The following TRIP6 variants were observed in gnomAD, a reference collection of about 807,000 sequenced individuals.
TRIP6 encodes thyroid hormone receptor interactor 6, also known as thyroid receptor-interacting protein 6.
TRIP6 carries 33 observed loss-of-function variants against 51.9 expected under a neutral mutation model. That is an observed-to-expected ratio of 0.64 (90% CI 0.48 to 0.85). The LOEUF (loss-of-function observed/expected upper bound fraction) is 0.85, where lower values mean the gene tolerates loss of function less well. TRIP6 is among the 40% of genes least tolerant of loss of function. The pLI is 0.00. For missense variants in TRIP6, 661 were observed against 652.1 expected (o/e 1.01, Z -0.15); for synonymous variants, 255 against 275.8 (o/e 0.92, Z 0.75).
At chr7:100,870,337 A>G in intron 4 of TRIP6, 33 bp from the exon 5 acceptor site, 4 of 1,483,872 alleles carry the variant, frequency 2.7e-6, no homozygotes, top group Non-Finnish European at 2.7e-6. Context: ...ATCAGGAGCT[A>G]GAGTAGGACC....
chr7:100,868,497 A>C lies in TRIP6; in HGVS notation c.366A>C (p.Ala122=). 1 of 1,613,074 alleles carries C rather than the reference A, an allele frequency of 6.2e-7. No homozygotes were observed. Among genetic ancestry groups the C allele is most frequent in the Non-Finnish European group, 8.5e-7 (1 of 1,180,018 alleles). ...GHASRRPDRQ[A]YEPPPPPAYR... ...TTCTGGCCTGCGTTTCTCCTCAGGCATATGAGCCCCCGCCACCTCCTGCCT... is the reference window on the plus strand; with the variant it reads ...TTCTGGCCTGCGTTTCTCCTCAGGCCTATGAGCCCCCGCCACCTCCTGCCT... The change falls in exon 4 of 9, where the codon GCA becomes GCC. Residue 122 remains alanine, a splice_region_variant and synonymous_variant. Transcript: ENST00000200457.
chr7:100,868,055 C>A, intron 2 of TRIP6, 53 bp from the exon 3 acceptor site: 1 of 1,572,882 alleles, frequency 6.4e-7, no homozygotes, highest in Non-Finnish European at 8.6e-7. Context: ...GGACCCAGGA[C>A]AGGAGAAGGC....
intron 6 of TRIP6, 143 bp from the exon 7 acceptor site, chr7:100,871,400 C>T: frequency 2.6e-6 from 2 of 778,358 alleles, no homozygotes; most frequent in Non-Finnish European, 4.2e-6. Flanking sequence ...CTCAGATCTG[C>T]TCAAGTCTGC....
At chr7:100,871,406 T>G in intron 6 of TRIP6, 137 bp from the exon 7 acceptor site, 1 of 813,784 alleles carries the variant, frequency 1.2e-6, no homozygotes. Context: ...TCTGCTCAAG[T>G]CTGCCTTTCA....
At chr7:100,868,026 CCCCAGAACCGAGTCTGAGGGA>C in intron 2 of TRIP6, 38 bp downstream of exon 2, 1 of 1,534,302 alleles carries the variant, frequency 6.5e-7, no homozygotes, top group Non-Finnish European at 8.8e-7. Context: ...ATGTGGGATC[CCCCAGAACCGAGTCTGAGGGA>C]CCCAGGACAG....
intron 6 of TRIP6, 122 bp from the exon 7 acceptor site, chr7:100,871,421 A>G (rs1419553642): frequency 3.1e-6 from 3 of 963,934 alleles, no homozygotes; most frequent in South Asian, 1.5e-5. Context: ...CTTTCACCGA[A>G]TCACATGCAG....
intron 4 of TRIP6, among the ~76,000 whole-genome samples, chr7:100,870,049 GT>G (rs554852044): frequency 6.6e-6 from 1 of 152,272 alleles, no homozygotes; most frequent in South Asian, 2.1e-4. Flanking sequence ...CCATCTGGGG[GT>G]GATGGGAGAC....
chr7:100,870,910 C>CTTAA, intron 6 of TRIP6, 167 bp downstream of exon 6: 1 of 932,532 alleles, frequency 1.1e-6, no homozygotes, highest in Non-Finnish European at 1.6e-6. Flanking sequence ...AAGCAAGTAG[C>CTTAA]TTAACACTGG....
Position 100,868,532 on chromosome 7 carries a change from GCTC to G in TRIP6, c.403_405del (p.Ser135del), listed in dbSNP as rs1345668127. ...CCGCCACCTCCTGCCTACCGCACGG[GCTC>G]CCTGAAGCCAAATCCAGCCTCGCCG... On this transcript the variant is annotated inframe_deletion, in exon 4 of 9. Coordinates refer to ENST00000200457, the MANE Select transcript of TRIP6 (RefSeq NM_003302.3). 1.2e-6 allele frequency: 2 copies of G among 1,612,934 alleles called. No individual in the cohort carries two copies.
At chr7:100,872,413 C>T (rs1815294266) in intron 7 of TRIP6, among the ~76,000 whole-genome samples, 1 of 152,152 alleles carries the variant, frequency 6.6e-6, no homozygotes, top group Non-Finnish European at 1.5e-5. Context: ...AAGTGATCCT[C>T]CTGCCTTGGC....
chr7:100,868,604 CT>C lies in TRIP6; in HGVS notation c.474del (p.Thr159ProfsTer14). The C allele has an allele frequency of 6.2e-7, 1 of 1,612,962 alleles. No individual in the cohort carries two copies. The highest frequency in any genetic ancestry group is 8.5e-7 in the Non-Finnish European group (1 of 1,179,976). On this transcript the variant is annotated frameshift_variant, in exon 4 of 9. Coordinates refer to ENST00000200457, the MANE Select transcript of TRIP6 (RefSeq NM_003302.3). LOFTEE classifies it high-confidence loss of function. ...GGGGGCCCCACTCCAGCCTCTTACA[CT>C]ACCGCCAGCACCCCGGCTGGCCCAG... ...PYGGPTPASY[T>X]TASTPAGPAF...
In TRIP6 at chr7:100,868,110, G is replaced by A; in HGVS notation, c.240G>A (p.Gly80=). The stretch of plus-strand genomic sequence containing the variant: ...TCCTGCCCTGGCTCCATCCTCAGGG[G>A]CTCCCTGCAGACAGGGGGGGCCTTC... ...GSHGVLQHTQ[G]LPADRGGLRP... is the part of the protein sequence containing the mutation. The change falls in exon 3 of 9, where the codon GGG becomes GGA. Residue 80 remains glycine (G), a splice_region_variant and synonymous_variant. Coordinates refer to ENST00000200457, the MANE Select transcript of TRIP6 (RefSeq NM_003302.3). 2.5e-6 allele frequency: 4 copies of A among 1,612,984 alleles called. No individual in the cohort carries two copies. Among genetic ancestry groups the A allele is most frequent in the South Asian group, 1.1e-5 (1 of 91,032 alleles).
At chr7:100,872,181 GTTTTTTTT>G (rs34239953) in intron 7 of TRIP6, among the ~76,000 whole-genome samples, 25 of 95,592 alleles carry the variant, frequency 2.6e-4, no homozygotes, top group Admixed American at 1.6e-3. Flanking sequence ...CGCCTGGCTA[GTTTTTTTT>G]TTTTTTTTTT....
At chr7:100,872,528 T>G in intron 7 of TRIP6, 96 bp from the exon 8 acceptor site, 2 of 1,559,454 alleles carry the variant, frequency 1.3e-6, no homozygotes, top group Admixed American at 3.6e-5. Flanking sequence ...CTCTGGCCTC[T>G]CTGATTCCCT....
Position 100,873,359 on chromosome 7 carries a change from T to C in TRIP6, c.*56T>C. On this transcript the variant is annotated 3_prime_UTR_variant, in exon 9 of 9. Coordinates refer to ENST00000200457, the MANE Select transcript of TRIP6 (RefSeq NM_003302.3). ...GTTCCAGTTCCCATCCTTTGATTGA[T>C]CACTCTCCCTGACATCCACCTGTAT... The C allele has an allele frequency of 6.4e-7, 1 of 1,558,864 alleles. No individual in the cohort carries two copies. The highest frequency in any genetic ancestry group is 8.7e-7 in the Non-Finnish European group (1 of 1,147,266).
At chr7:100,871,858 C>T (rs562469080) in intron 7 of TRIP6, 137 bp downstream of exon 7, 65 of 1,176,318 alleles carry the variant, frequency 5.5e-5, no homozygotes, top group African/African-American at 4.3e-4. Flanking sequence ...TTTTTAGAGA[C>T]GGAGTTTCAC....
At chr7:100,868,922 G>A (rs895987648) in intron 4 of TRIP6, 56 bp downstream of exon 4, 2 of 1,440,028 alleles carry the variant, frequency 1.4e-6, no homozygotes, top group East Asian at 5.3e-5. Flanking sequence ...CACCGACTGG[G>A]TGGGGTGGCT....
In TRIP6 at chr7:100,867,790, G is replaced by T; in HGVS notation, c.110-71G>T. 4.6e-6 allele frequency: 7 copies of T among 1,517,986 alleles called. No homozygotes were observed. Among genetic ancestry groups the T allele is most frequent in the Non-Finnish European group, 6.2e-6 (7 of 1,138,130 alleles). 94.0% of individuals were successfully genotyped at this position (1,517,986 alleles called of 1,614,324 possible). A position where few individuals can be genotyped will look rare whatever the true frequency, so the allele number is the denominator to read the frequency against. ...GGAGGAGGTAACGAGAGGCGGAGAG[G>T]GTGGCTCCTCAAATATACACCCCTC... On this transcript the variant is annotated intron_variant, in intron 1 of 8. Coordinates refer to ENST00000200457, the MANE Select transcript of TRIP6 (RefSeq NM_003302.3). This position sits in a 1 kb window ranked among gnomAD's most constrained non-coding sequence, Gnocchi z 5.4.
chr7:100,870,769 G>T (rs1285220316), intron 6 of TRIP6, 26 bp downstream of exon 6: 3 of 1,598,724 alleles, frequency 1.9e-6, no homozygotes, highest in Non-Finnish European at 1.7e-6. Context: ...TGGGAGGAGG[G>T]AGTCAGTGGC....
Sources: allele counts gnomAD v4.1 joint callset (sites outside exome capture counted in the v4.1 genomes callset), GRCh38; gene constraint gnomAD v4.1.1; non-coding constraint Gnocchi (gnomAD v3.1); transcripts MANE v1.5; gene names NCBI Gene and HGNC (gene_info 2026-07-23, HGNC 2026-07-21).